LRRC4C: variants seen among roughly 807,000 people sequenced by gnomAD.
The protein encoded by LRRC4C is leucine-rich repeat-containing protein 4C.
A neutral mutation model predicts 33.6 loss-of-function variants in LRRC4C; 5 were observed. The ratio of observed to expected loss-of-function variants is 0.15; its 90% CI spans 0.08 to 0.31. The LOEUF (loss-of-function observed/expected upper bound fraction) is 0.31, where lower values mean the gene tolerates loss of function less well. Ranked by LOEUF, LRRC4C falls within the 10% of genes least tolerant of loss-of-function variation. LRRC4C has a pLI of 1.00. For synonymous variants in LRRC4C, 329 were observed against 302.0 expected (o/e 1.09, Z -0.93); for missense variants, 560 against 796.7 (o/e 0.70, Z 3.58).
chr11:40,996,763 T>C (rs150930283), intron 1 of LRRC4C, among the ~76,000 whole-genome samples: 3 of 152,106 alleles, frequency 2.0e-5, no homozygotes, highest in Non-Finnish European at 4.4e-5. Flanking sequence ...TGTCACATGG[T>C]CAGTGACAGA....
rs35819704 is a variant in LRRC4C, at chr11:40,423,339, CT to C, written c.-269-103619del. 7.1e-3 allele frequency among the ~76,000 whole-genome samples: 650 copies of C among 90,942 alleles called. 1 individual carries two copies. Among genetic ancestry groups the C allele is most frequent in the African/African-American group, 0.023 (557 of 23,922 alleles). The allele number at this position is 90,942 out of a possible 152,430, so 59.7% of individuals were successfully genotyped here. On this transcript the variant is annotated intron_variant, in intron 3 of 6. Coordinates refer to ENST00000528697, the MANE Select transcript of LRRC4C (RefSeq NM_001258419.2). ...GAAAAGGAAGTCAGTTGTTCATGTT[CT>C]TTTTTTTTTTTTTTTTTTTTTTGAG... is the stretch of plus-strand genomic sequence containing the variant.
chr11:40,703,068 TA>T (rs1415115726), intron 2 of LRRC4C, among the ~76,000 whole-genome samples: 1 of 152,010 alleles, frequency 6.6e-6, no homozygotes, highest in Admixed American at 6.6e-5. Flanking sequence ...AGAATAATAA[TA>T]TTTTTTAATA....
chr11:40,968,578 G>A (rs1282292586), intron 1 of LRRC4C, among the ~76,000 whole-genome samples: 2 of 152,174 alleles, frequency 1.3e-5, no homozygotes, highest in South Asian at 2.1e-4. Flanking sequence ...AATAAAACTG[G>A]TGGCTTTATG....
intron 2 of LRRC4C, among the ~76,000 whole-genome samples, chr11:40,848,672 GA>G (rs1342182672): frequency 6.6e-6 from 1 of 152,204 alleles, no homozygotes; most frequent in East Asian, 1.9e-4. Flanking sequence ...GGTTGGTGCA[GA>G]GCTGAGTTTA....
intron 2 of LRRC4C, among the ~76,000 whole-genome samples, chr11:40,693,255 GTGTC>G (rs1251238899): frequency 5.3e-5 from 8 of 152,116 alleles, no homozygotes; most frequent in Non-Finnish European, 1.2e-4. Context: ...ATAAAATTGA[GTGTC>G]TGACTAAATT....
intron 2 of LRRC4C, among the ~76,000 whole-genome samples, chr11:40,861,285 T>G (rs1954088107): frequency 6.6e-6 from 1 of 152,140 alleles, no homozygotes; most frequent in Non-Finnish European, 1.5e-5. Context: ...TGGGAAGTCT[T>G]GAACAGAAAG....
intron 1 of LRRC4C, among the ~76,000 whole-genome samples, chr11:41,135,003 A>T (rs1008426980): frequency 2.6e-5 from 4 of 152,136 alleles, no homozygotes; most frequent in Non-Finnish European, 5.9e-5. Flanking sequence ...AAGTCAATAA[A>T]CTACTGTCTC....
intron 3 of LRRC4C, among the ~76,000 whole-genome samples, chr11:40,428,311 T>C (rs1453623053): frequency 6.6e-6 from 1 of 152,216 alleles, no homozygotes; most frequent in Non-Finnish European, 1.5e-5. Flanking sequence ...TGGCTTAGAA[T>C]TCCAAAAGGA....
chr11:41,410,629 A>C (rs186198579), intron 1 of LRRC4C, among the ~76,000 whole-genome samples: 1,561 of 151,828 alleles, frequency 0.01, 27 homozygotes, highest in African/African-American at 0.035. Flanking sequence ...TTTAGTAGAG[A>C]CGGTGTTTCA....
rs149650699 is a variant in LRRC4C at position 40,711,316 on chromosome 11, G to A, written c.-406-63038C>T. ...TGCAGATGGGAGCTGTTCCTATTTG[G>A]TCATCTTGGAATGGACCGAACCTCA... On this transcript the variant is annotated intron_variant, in intron 2 of 6. Coordinates refer to ENST00000528697, the MANE Select transcript of LRRC4C (RefSeq NM_001258419.2). Among the ~76,000 whole-genome samples, 298 of 152,222 alleles carry A rather than the reference G, an allele frequency of 2.0e-3. 2 individuals carry two copies. Among genetic ancestry groups the A allele is most frequent in the African/African-American group, 6.9e-3 (286 of 41,528 alleles).
intron 1 of LRRC4C, among the ~76,000 whole-genome samples, chr11:41,085,085 T>C (rs1939867513): frequency 6.6e-6 from 1 of 152,326 alleles, no homozygotes; most frequent in African/African-American, 2.4e-5. Context: ...TACTCACAAG[T>C]CTTTGCTCAT....
intron 3 of LRRC4C, among the ~76,000 whole-genome samples, chr11:40,580,953 C>G (rs745730859): frequency 5.3e-5 from 8 of 152,226 alleles, no homozygotes; most frequent in Non-Finnish European, 1.0e-4. Context: ...ATATTATTGT[C>G]ACTTAAATAT....
At chr11:41,152,819 C>T (rs558595118) in intron 1 of LRRC4C, among the ~76,000 whole-genome samples, 1 of 152,242 alleles carries the variant, frequency 6.6e-6, no homozygotes, top group South Asian at 2.1e-4. Flanking sequence ...CTTTGGAGGT[C>T]ACTTTGTCTG....
chr11:40,428,629 G>A (rs1000842612), intron 3 of LRRC4C, among the ~76,000 whole-genome samples: 9 of 152,108 alleles, frequency 5.9e-5, no homozygotes, highest in African/African-American at 2.2e-4. Context: ...CTAGCAACAT[G>A]AGCAGAAAAC....
At chr11:40,782,711 T>C (rs1235458710) in intron 2 of LRRC4C, among the ~76,000 whole-genome samples, 1 of 152,186 alleles carries the variant, frequency 6.6e-6, no homozygotes, top group African/African-American at 2.4e-5. Flanking sequence ...TTTTTGAATC[T>C]GTTACAAACC....
At chr11:40,872,693 G>A (rs1467542270) in intron 2 of LRRC4C, among the ~76,000 whole-genome samples, 8 of 152,080 alleles carry the variant, frequency 5.3e-5, no homozygotes, top group Non-Finnish European at 8.8e-5. Context: ...GGAAGACATA[G>A]TGGGGATCAA....
chr11:41,256,335 G>T (rs1439534331), intron 1 of LRRC4C, among the ~76,000 whole-genome samples: 1 of 151,856 alleles, frequency 6.6e-6, no homozygotes, highest in African/African-American at 2.4e-5. Context: ...ACACACTATT[G>T]TTCTTACTCT....
intron 5 of LRRC4C, among the ~76,000 whole-genome samples, chr11:40,141,816 C>T (rs1466097605): frequency 6.6e-6 from 1 of 152,164 alleles, no homozygotes; most frequent in Non-Finnish European, 1.5e-5. Flanking sequence ...CACAGATGGG[C>T]ATTTTACTGT....
chr11:40,829,289 G>A (rs1952303753), intron 2 of LRRC4C, among the ~76,000 whole-genome samples: 1 of 151,982 alleles, frequency 6.6e-6, no homozygotes, highest in African/African-American at 2.4e-5. Context: ...AGATCATCAA[G>A]TCCTACCAAT....
Sources: allele counts gnomAD v4.1 joint callset (sites outside exome capture counted in the v4.1 genomes callset), GRCh38; gene constraint gnomAD v4.1.1; transcripts MANE v1.5; gene names NCBI Gene and HGNC (gene_info 2026-07-23, HGNC 2026-07-21).